BNC2: variants seen among roughly 807,000 people sequenced by gnomAD.
BNC2 encodes the protein basonuclin zinc finger protein 2.
In BNC2, 20 loss-of-function variants were observed where a neutral mutation model predicts 76.3. The observed-to-expected ratio is 0.26, with a 90% CI of 0.18 to 0.38. The LOEUF (loss-of-function observed/expected upper bound fraction) is 0.38. BNC2 is among the 10% of genes least tolerant of loss of function. The pLI, the probability that BNC2 is intolerant of heterozygous loss-of-function variation, is 1.00. For missense variants in BNC2, 1,382 were observed against 1,399.8 expected, an observed-to-expected ratio of 0.99 and a Z score of 0.20; for synonymous variants, 582 against 514.8, an observed-to-expected ratio of 1.13 and a Z score of -1.77.
At chr9:16,626,563 C>CA (rs1302295607) in intron 3 of BNC2, among the ~76,000 whole-genome samples, 2 of 152,034 alleles carry the variant, frequency 1.3e-5, no homozygotes, top group Admixed American at 1.3e-4. Flanking sequence ...ACAACAAAGA[C>CA]AGAGACCTGG....
intron 6 of BNC2, 128 bp downstream of exon 6, chr9:16,435,427 T>G (rs1179162395): frequency 1.8e-6 from 2 of 1,140,170 alleles, no homozygotes; most frequent in Non-Finnish European, 2.6e-6. Flanking sequence ...TATCACATGA[T>G]CACTGTGGAC....
chr9:16,643,199 G>A (rs374702944), intron 3 of BNC2, among the ~76,000 whole-genome samples: 2 of 151,678 alleles, frequency 1.3e-5, no homozygotes, highest in Non-Finnish European at 2.9e-5. Context: ...CCAGCTACTC[G>A]GGAGGCTGAG....
intron 4 of BNC2, among the ~76,000 whole-genome samples, chr9:16,573,808 T>C (rs1271957469): frequency 6.6e-6 from 1 of 152,228 alleles, no homozygotes; most frequent in Non-Finnish European, 1.5e-5. Context: ...TCTTTGGGTA[T>C]ATGCGAACTA....
intron 3 of BNC2, among the ~76,000 whole-genome samples, chr9:16,665,668 A>G (rs1230026104): frequency 1.3e-5 from 2 of 152,178 alleles, no homozygotes; most frequent in Non-Finnish European, 2.9e-5. Context: ...AGAGATATGA[A>G]AATGCATAAT....
intron 1 of BNC2, among the ~76,000 whole-genome samples, chr9:16,796,006 G>C (rs898297717): frequency 3.3e-5 from 5 of 152,176 alleles, no homozygotes; most frequent in African/African-American, 1.2e-4. Context: ...CTAAGGCTCA[G>C]AGAGACAATT....
chr9:16,497,622 A>C (rs1324452078), intron 5 of BNC2, among the ~76,000 whole-genome samples: 2 of 152,170 alleles, frequency 1.3e-5, no homozygotes, highest in Non-Finnish European at 2.9e-5. Flanking sequence ...CAAATATAGG[A>C]CTACAAGGTA....
At chr9:16,518,540 A>T (rs1384106308) in intron 5 of BNC2, among the ~76,000 whole-genome samples, 1 of 152,136 alleles carries the variant, frequency 6.6e-6, no homozygotes, top group African/African-American at 2.4e-5. Flanking sequence ...GTTACATGAG[A>T]TTTGGGATGT....
At chr9:16,579,493 G>C (rs758557525) in intron 4 of BNC2, among the ~76,000 whole-genome samples, 9 of 152,046 alleles carry the variant, frequency 5.9e-5, no homozygotes, top group Non-Finnish European at 1.0e-4. Context: ...ATGTTGCCCA[G>C]GTTGGTCTTG....
At chr9:16,419,848 CAG>C (rs1295396130) in intron 6 of BNC2, among the ~76,000 whole-genome samples, 199 bp from the exon 7 acceptor site, 2 of 152,278 alleles carry the variant, frequency 1.3e-5, no homozygotes, top group Non-Finnish European at 2.9e-5. Context: ...GAGGTGCAAT[CAG>C]GGGAACTTTC....
chr9:16,470,126 T>C (rs959244379), intron 5 of BNC2, among the ~76,000 whole-genome samples: 2 of 151,136 alleles, frequency 1.3e-5, no homozygotes, highest in African/African-American at 4.9e-5. Context: ...GCCTCCTGAG[T>C]AGCTGGGACT....
intron 1 of BNC2, among the ~76,000 whole-genome samples, chr9:16,772,692 C>A (rs1017110068): frequency 6.6e-6 from 1 of 152,108 alleles, no homozygotes; most frequent in Non-Finnish European, 1.5e-5. Flanking sequence ...ACTGGTTCAA[C>A]GTCTTCAAGC....
intron 3 of BNC2, among the ~76,000 whole-genome samples, chr9:16,646,966 A>C (rs1466831353): frequency 6.6e-6 from 1 of 152,196 alleles, no homozygotes; most frequent in Non-Finnish European, 1.5e-5. Context: ...TTGTCAGTTT[A>C]GTAGACCATG....
At chr9:16,560,192 G>A (rs1278209081) in intron 4 of BNC2, among the ~76,000 whole-genome samples, 1 of 152,184 alleles carries the variant, frequency 6.6e-6, no homozygotes, top group African/African-American at 2.4e-5. Context: ...AGAAGATGCT[G>A]ATGCTACTGG....
In BNC2 at chr9:16,596,175, G is replaced by C. The variant is rs534441838; in HGVS notation, c.331-13090C>G. 2.0e-5 allele frequency among the ~76,000 whole-genome samples: 3 copies of C among 152,172 alleles called. No individual in the cohort carries two copies. In the East Asian group the frequency reaches 5.8e-4, roughly 29 times the overall value. On this transcript the variant is annotated intron_variant, in intron 3 of 6. Coordinates refer to ENST00000380672, the MANE Select transcript of BNC2 (RefSeq NM_017637.6). ...AAGTAATGGCTATGAAGGACTTTAA[G>C]GTTTATCAGCTACAAATTCATGTTT...
intron 1 of BNC2, among the ~76,000 whole-genome samples, chr9:16,772,990 T>A (rs1382266686): frequency 6.6e-6 from 1 of 152,206 alleles, no homozygotes; most frequent in Non-Finnish European, 1.5e-5. Context: ...CTCTCCTTAA[T>A]GAACCTGTTT....
intron 3 of BNC2, among the ~76,000 whole-genome samples, chr9:16,673,900 A>AT (rs1185288044): frequency 1.3e-5 from 2 of 152,236 alleles, no homozygotes; most frequent in Admixed American, 6.5e-5. Flanking sequence ...AGTGACTGTT[A>AT]TAATACCTTG....
chr9:16,531,409 A>C (rs977690277), intron 5 of BNC2, among the ~76,000 whole-genome samples: 14 of 152,092 alleles, frequency 9.2e-5, no homozygotes, highest in East Asian at 5.8e-4. Context: ...AAAAAAAAAA[A>C]CAAAAAACCA....
At chr9:16,439,401 G>C (rs1329786074) in intron 5 of BNC2, among the ~76,000 whole-genome samples, 1 of 152,072 alleles carries the variant, frequency 6.6e-6, no homozygotes. Context: ...CAGATTAGAG[G>C]GGACTAATAA....
chr9:16,501,193 A>G (rs1204256864), intron 5 of BNC2, among the ~76,000 whole-genome samples: 11 of 152,216 alleles, frequency 7.2e-5, no homozygotes, highest in Non-Finnish European at 1.6e-4. Context: ...CTCTAATGCT[A>G]TTATGATTGT....
Sources: gnomAD v4.1 joint callset for allele counts (sites outside exome capture counted in the v4.1 genomes callset) on GRCh38, gnomAD v4.1.1 for gene constraint, MANE v1.5 for transcripts, NCBI Gene and HGNC (gene_info 2026-07-23, HGNC 2026-07-21) for gene names.